The following LRP1B variants were observed in gnomAD, a reference collection of about 807,000 sequenced individuals.
The protein encoded by LRP1B is low-density lipoprotein receptor-related protein 1B.
LRP1B carries 217 observed loss-of-function variants against 556.6 expected under a neutral mutation model. That is an observed-to-expected ratio of 0.39 (90% CI 0.35 to 0.44). LRP1B has a LOEUF of 0.44. Ranked by LOEUF, LRP1B falls within the 20% of genes least tolerant of loss-of-function variation. The probability of loss-of-function intolerance (pLI) is 1.00; values close to 1 mark genes in which losing one functional copy is unlikely to be tolerated. For missense variants in LRP1B, 5,053 were observed against 5,620.8 expected (o/e 0.90, Z 3.23); for synonymous variants, 2,047 against 1,865.8 (o/e 1.10, Z -2.50).
intron 32 of LRP1B, among the ~76,000 whole-genome samples, chr2:140,789,106 T>TC (rs369182337): frequency 1.6e-3 from 237 of 152,120 alleles, no homozygotes; most frequent in African/African-American, 4.5e-3. Flanking sequence ...ACTAATATAC[T>TC]CCCCCATATC....
chr2:141,269,991 T>A lies in LRP1B; in HGVS notation c.344-15350A>T, dbSNP rs149217361. On this transcript the variant is annotated intron_variant, in intron 3 of 90. Coordinates refer to ENST00000389484, the MANE Select transcript of LRP1B (RefSeq NM_018557.3). ...ATTCCAAACATGTGTAAGTGGGACA[T>A]GATCAGAATGAAAAAGCAACCCATA... 1.8e-3 allele frequency among the ~76,000 whole-genome samples: 269 copies of A among 152,138 alleles called. 1 individual carries two copies. The highest frequency in any genetic ancestry group is 6.0e-3 in the African/African-American group (251 of 41,548).
At chr2:142,104,990 C>T (rs1706695859) in intron 1 of LRP1B, among the ~76,000 whole-genome samples, 1 of 152,080 alleles carries the variant, frequency 6.6e-6, no homozygotes, top group African/African-American at 2.4e-5. Flanking sequence ...TACTCACTAC[C>T]CTCAAGGAGT....
At chr2:141,552,609 C>T (rs1685794743) in intron 2 of LRP1B, among the ~76,000 whole-genome samples, 1 of 151,934 alleles carries the variant, frequency 6.6e-6, no homozygotes, top group Admixed American at 6.6e-5. Context: ...AGGCTCACAG[C>T]CTCATAACAT....
At chr2:141,838,430 G>C (rs963972814) in intron 1 of LRP1B, among the ~76,000 whole-genome samples, 8 of 152,102 alleles carry the variant, frequency 5.3e-5, no homozygotes, top group African/African-American at 1.7e-4. Flanking sequence ...TTTAGTGACT[G>C]TTTGAGTCCT....
rs898050355 is a variant in LRP1B at position 140,520,685 on chromosome 2, A to G, written c.8027-3674T>C. 4.0e-5 allele frequency among the ~76,000 whole-genome samples: 6 copies of G among 151,248 alleles called. No individual in the cohort carries two copies. The South Asian group carries it at 1.3e-3, about 32-fold the overall frequency. ...AATACTTTATATAATTAATTTTTTT[A>G]ATGTGAAAGACCTGCAGTGAGCTAC... On this transcript the variant is annotated intron_variant, in intron 49 of 90. Coordinates refer to ENST00000389484, the MANE Select transcript of LRP1B (RefSeq NM_018557.3).
At chr2:141,635,046 A>AC (rs766205485) in intron 2 of LRP1B, among the ~76,000 whole-genome samples, 1 of 68,192 alleles carries the variant, frequency 1.5e-5, no homozygotes, top group Non-Finnish European at 3.2e-5. Flanking sequence ...AACTATAGTG[A>AC]AACACACACA....
intron 18 of LRP1B, among the ~76,000 whole-genome samples, chr2:140,960,060 A>T (rs1695988788): frequency 6.6e-6 from 1 of 151,568 alleles, no homozygotes; most frequent in African/African-American, 2.4e-5. Flanking sequence ...GCTTATACAC[A>T]TTGACTTTCC....
intron 2 of LRP1B, among the ~76,000 whole-genome samples, chr2:141,548,948 T>TAA (rs533011531): frequency 6.0e-5 from 9 of 149,892 alleles, no homozygotes; most frequent in Non-Finnish European, 3.0e-5. Context: ...CGTTGCTGGT[T>TAA]AAAAAAAAAA....
intron 2 of LRP1B, among the ~76,000 whole-genome samples, chr2:141,793,224 G>T (rs1236294062): frequency 6.6e-6 from 1 of 151,778 alleles, no homozygotes; most frequent in Admixed American, 6.6e-5. Context: ...TCACAATTTT[G>T]CTTTTTTAAA....
intron 43 of LRP1B, among the ~76,000 whole-genome samples, chr2:140,542,434 C>T (rs1230485377): frequency 6.6e-6 from 1 of 152,064 alleles, no homozygotes; most frequent in African/African-American, 2.4e-5. Flanking sequence ...AGTGACTAAA[C>T]TAGTTGCACA....
chr2:140,533,999 G>T, intron 47 of LRP1B, 22 bp downstream of exon 47: 1 of 1,612,202 alleles, frequency 6.2e-7, no homozygotes. Context: ...AATATTCTGA[G>T]ATTGATGGAA....
intron 1 of LRP1B, among the ~76,000 whole-genome samples, chr2:142,075,301 G>C (rs894131771): frequency 2.0e-5 from 3 of 151,806 alleles, no homozygotes; most frequent in African/African-American, 7.2e-5. Context: ...AGGCAGAATA[G>C]GGTGTATTAA....
At chr2:141,345,678 T>A (rs1395512296) in intron 3 of LRP1B, among the ~76,000 whole-genome samples, 1 of 113,220 alleles carries the variant, frequency 8.8e-6, no homozygotes, top group African/African-American at 3.4e-5. Flanking sequence ...TTTTTTTTTT[T>A]ACTTTTTATA....
intron 72 of LRP1B, among the ~76,000 whole-genome samples, chr2:140,359,926 C>T (rs998545909): frequency 6.6e-6 from 1 of 151,484 alleles, no homozygotes; most frequent in Admixed American, 6.6e-5. Flanking sequence ...TCTCATTGAC[C>T]ATCAATTCTC....
At chr2:142,063,648 T>G (rs1704999966) in intron 1 of LRP1B, among the ~76,000 whole-genome samples, 1 of 151,610 alleles carries the variant, frequency 6.6e-6, no homozygotes, top group Non-Finnish European at 1.5e-5. Flanking sequence ...ACTTTTAATC[T>G]CTTTTAAACA....
At chr2:141,544,980 C>T (rs1685500551) in intron 2 of LRP1B, among the ~76,000 whole-genome samples, 1 of 151,968 alleles carries the variant, frequency 6.6e-6, no homozygotes, top group Admixed American at 6.6e-5. Context: ...CATATCATTC[C>T]CCGTTAAGTG....
rs554069071 is a variant in LRP1B at position 141,370,960 on chromosome 2, T to C, written c.343+109436A>G. Among the ~76,000 whole-genome samples the C allele has an allele frequency of 2.6e-5, 4 of 152,282 alleles. No homozygotes were observed. The South Asian group carries it at 8.3e-4, about 32-fold the overall frequency. On this transcript the variant is annotated intron_variant, in intron 3 of 90. Transcript: ENST00000389484. ...GGCAAAAATCAGTAGCCTTTGATTA[T>C]ATGGCTGTATTTCTGAGTTCTCTTT...
intron 84 of LRP1B, among the ~76,000 whole-genome samples, chr2:140,277,075 T>A (rs1682702577): frequency 6.8e-6 from 1 of 146,112 alleles, no homozygotes; most frequent in Non-Finnish European, 1.5e-5. Flanking sequence ...TCATGTAAAA[T>A]TTTGAAGCGC....
chr2:141,096,624 GAGGGGGAGAGAGAGAGA>G (rs1700315080), intron 7 of LRP1B, among the ~76,000 whole-genome samples: 3 of 42,496 alleles, frequency 7.1e-5, no homozygotes, highest in African/African-American at 2.1e-4. Context: ...AAGACGGGGA[GAGGGGGAGAGAGAGAGA>G]GAGAGAGAGA....
Sources: allele counts gnomAD v4.1 joint callset (sites outside exome capture counted in the v4.1 genomes callset), GRCh38; gene constraint gnomAD v4.1.1; transcripts MANE v1.5; gene names NCBI Gene and HGNC (gene_info 2026-07-23, HGNC 2026-07-21).